The following NOX4 variants were observed in gnomAD, a reference collection of about 807,000 sequenced individuals.
NOX4 encodes kidney oxidase-1.
NOX4 carries 69 observed loss-of-function variants against 87.6 expected under a neutral mutation model. That is an observed-to-expected ratio of 0.79 (90% CI 0.65 to 0.96). The LOEUF is 0.96. Among genes scored for constraint, NOX4 ranks in the 40% least tolerant of loss-of-function variants. The probability of loss-of-function intolerance (pLI) is 0.00; values close to 1 mark genes in which losing one functional copy is unlikely to be tolerated. For missense variants in NOX4, 680 were observed against 681.5 expected, an observed-to-expected ratio of 1.00 and a Z score of 0.02; for synonymous variants, 275 against 238.2, an observed-to-expected ratio of 1.15 and a Z score of -1.42.
At chr11:89,397,185 C>T (rs1941551144) in intron 11 of NOX4, among the ~76,000 whole-genome samples, 1 of 152,136 alleles carries the variant, frequency 6.6e-6, no homozygotes, top group African/African-American at 2.4e-5. Flanking sequence ...TGCTCAACTA[C>T]ATGGAAACTG....
In NOX4 at chr11:89,455,744, A is replaced by ATATATATATATATATATATATATATATG. The variant is rs1163284365; in HGVS notation, c.154-3850_154-3849insCATATATATATATATATATATATATATA. On this transcript the variant is annotated intron_variant, in intron 2 of 17. Transcript: ENST00000263317. ...CATATATATATATATATATATATAT[A>ATATATATATATATATATATATATATATG]TGAAACAAAAAGCAGGCACTTCAAG... is the stretch of plus-strand genomic sequence containing the variant. 3.4e-4 allele frequency among the ~76,000 whole-genome samples: 50 copies of ATATATATATATATATATATATATATATG among 146,862 alleles called. 1 individual carries two copies. Among genetic ancestry groups the ATATATATATATATATATATATATATATG allele is most frequent in the African/African-American group, 1.3e-3 (49 of 38,348 alleles).
chr11:89,406,380 C>A (rs565322708), intron 8 of NOX4, among the ~76,000 whole-genome samples: 2 of 152,096 alleles, frequency 1.3e-5, no homozygotes, highest in South Asian at 4.2e-4. Context: ...TAGATGCATG[C>A]CTTTCTTTAA....
the NOX4 span, among the ~76,000 whole-genome samples, chr11:89,536,208 G>A: frequency 1.4e-5 from 2 of 143,146 alleles, no homozygotes; most frequent in African/African-American, 2.7e-5. Flanking sequence ...GTGCAGTGGC[G>A]CGATCTCGGC....
At chr11:89,348,210 T>C (rs1458088882) in intron 13 of NOX4, among the ~76,000 whole-genome samples, 2 of 151,120 alleles carry the variant, frequency 1.3e-5, no homozygotes, top group African/African-American at 4.9e-5. Context: ...GAATCAGGAG[T>C]TCAAGACTAG....
In NOX4 at chr11:89,491,309, G is replaced by A. The variant is rs2289124; in HGVS notation, c.-63C>T. 0.18 allele frequency: 269,961 copies of A among 1,494,338 alleles called. 26,194 individuals are homozygous for A. The highest frequency in any genetic ancestry group is 0.38 in the African/African-American group (27,626 of 72,380). The allele number at this position is 1,494,338 out of a possible 1,614,324, so 92.6% of individuals were successfully genotyped here. A position where few individuals can be genotyped will look rare whatever the true frequency, so the allele number is the denominator to read the frequency against. On this transcript the variant is annotated 5_prime_UTR_variant, in exon 1 of 18. Transcript: ENST00000263317. ...GACCGAGAAGGAGCGGGCGGCGGCC[G>A]GGGCAGCGGTTACAGTTGTGCGGCC...
chr11:89,556,118 C>T, the NOX4 span, among the ~76,000 whole-genome samples: 10 of 152,078 alleles, frequency 6.6e-5, no homozygotes, highest in African/African-American at 2.4e-5. Context: ...GTTGCCCTGG[C>T]TTACTTGGGA....
At chr11:89,327,215 A>G (rs1565162082) in intron 17 of NOX4, among the ~76,000 whole-genome samples, 1 of 152,222 alleles carries the variant, frequency 6.6e-6, no homozygotes, top group Non-Finnish European at 1.5e-5. Context: ...AGCAATTGAT[A>G]GATGTCAATT....
the NOX4 span, among the ~76,000 whole-genome samples, chr11:89,547,394 T>A: frequency 1.3e-5 from 2 of 152,164 alleles, no homozygotes; most frequent in Non-Finnish European, 1.5e-5. Context: ...TAATTTCTCC[T>A]TCTTGAAGCT....
chr11:89,492,244 G>C (rs1195497385), upstream of NOX4: 2 of 151,998 alleles, frequency 1.3e-5, no homozygotes, highest in Non-Finnish European at 2.9e-5. Flanking sequence ...TATTAGAAAA[G>C]AGAGAGAAAA....
chr11:89,413,629 G>A (rs1450875173), intron 8 of NOX4, among the ~76,000 whole-genome samples: 1 of 152,032 alleles, frequency 6.6e-6, no homozygotes, highest in African/African-American at 2.4e-5. Context: ...AATGAAAACT[G>A]AACTCGTGAA....
chr11:89,390,111 A>G (rs945778574), intron 11 of NOX4, among the ~76,000 whole-genome samples: 1 of 152,200 alleles, frequency 6.6e-6, no homozygotes, highest in African/African-American at 2.4e-5. Context: ...AAAATGTTTG[A>G]AAGCATGCAT....
At chr11:89,349,287 AAAAAT>A (rs59263677) in intron 13 of NOX4, among the ~76,000 whole-genome samples, 5,350 of 149,474 alleles carry the variant, frequency 0.036, 314 homozygotes, top group African/African-American at 0.12. Context: ...ACTCTGTCTA[AAAAAT>A]AAAATAAAAT....
intron 8 of NOX4, among the ~76,000 whole-genome samples, chr11:89,415,579 T>C (rs3862355): frequency 0.41 from 62,182 of 151,960 alleles, 13,203 homozygotes; most frequent in East Asian, 0.56. Flanking sequence ...TACATATGTG[T>C]CTCAAAATTA....
the NOX4 span, among the ~76,000 whole-genome samples, chr11:89,564,452 C>T: frequency 3.0e-4 from 46 of 152,218 alleles, no homozygotes; most frequent in African/African-American, 9.4e-4. Flanking sequence ...GGGGAAAATT[C>T]GGCCCCAGGG....
chr11:89,431,244 T>A (rs1391363213), intron 7 of NOX4, among the ~76,000 whole-genome samples: 5 of 152,096 alleles, frequency 3.3e-5, no homozygotes, highest in Admixed American at 2.0e-4. Context: ...CCTAAAACCA[T>A]CAAAACCCTA....
chr11:89,382,989 G>A lies in NOX4; in HGVS notation c.1075-9497C>T, dbSNP rs370453136. 1.2e-4 allele frequency among the ~76,000 whole-genome samples: 18 copies of A among 152,070 alleles called. No individual in the cohort carries two copies. In the East Asian group the frequency reaches 3.5e-3, roughly 29 times the overall value. On this transcript the variant is annotated intron_variant, in intron 11 of 17. Transcript: ENST00000263317. ...CGCCCTAGACCCAGAGGGGCCAGAA[G>A]GTCATCTTATTCTCAATATGCATTT...
chr11:89,471,116 T>C (rs985674264), intron 2 of NOX4, among the ~76,000 whole-genome samples: 2 of 152,176 alleles, frequency 1.3e-5, no homozygotes, highest in African/African-American at 4.8e-5. Flanking sequence ...TTTACATATA[T>C]TTAGACAAAT....
upstream of NOX4, among the ~76,000 whole-genome samples, chr11:89,494,252 G>A (rs1350058872): frequency 6.6e-6 from 1 of 152,164 alleles, no homozygotes; most frequent in African/African-American, 2.4e-5. Flanking sequence ...ATAATGGTAA[G>A]CTAGTAGTAT....
chr11:89,488,933 G>T (rs1294175707), intron 2 of NOX4: 6 of 687,800 alleles, frequency 8.7e-6, no homozygotes, highest in Non-Finnish European at 1.6e-5. Flanking sequence ...CAACTTGAGG[G>T]GCGAGGTGAG....
Sources: allele counts gnomAD v4.1 joint callset (sites outside exome capture counted in the v4.1 genomes callset), GRCh38; gene constraint gnomAD v4.1.1; transcripts MANE v1.5; gene names NCBI Gene and HGNC (gene_info 2026-07-23, HGNC 2026-07-21).